The following PTPN14 variants were observed in gnomAD, a reference collection of about 807,000 sequenced individuals.
PTPN14 encodes the protein tyrosine-protein phosphatase non-receptor type 14.
PTPN14 carries 53 observed loss-of-function variants against 126.8 expected under a neutral mutation model. The observed-to-expected ratio is 0.42, with a 90% CI of 0.34 to 0.53. PTPN14 has a LOEUF of 0.53. Among genes scored for constraint, PTPN14 ranks in the 20% least tolerant of loss-of-function variants. The pLI is 0.08. For synonymous variants in PTPN14, 630 were observed against 599.3 expected, an observed-to-expected ratio of 1.05 and a Z score of -0.75; for missense variants, 1,257 against 1,552.9, an observed-to-expected ratio of 0.81 and a Z score of 3.20.
Position 214,376,363 on chromosome 1 carries a change from C to A in PTPN14, c.2763G>T (p.Ala921=), listed in dbSNP as rs146527644. 3 of 1,614,146 alleles carry A rather than the reference C, an allele frequency of 1.9e-6. No homozygotes were observed. The highest frequency in any genetic ancestry group is 1.3e-5 in the African/African-American group (1 of 75,062). ...TEYEQIPKKK[A]NGIFSTAALP... The stretch of plus-strand genomic sequence containing the variant: ...GAGCTGCTGTGCTGAAAATGCCATT[C>A]GCCTTTTTCTTTGGAATTTGCTCAT... The change falls in exon 15 of 19, where the codon GCG becomes GCT. Residue 921 remains alanine (A), a synonymous_variant. Coordinates refer to ENST00000366956, the MANE Select transcript of PTPN14 (RefSeq NM_005401.5).
At chr1:214,427,439 G>C (rs1659694170) in intron 3 of PTPN14, among the ~76,000 whole-genome samples, 1 of 152,004 alleles carries the variant, frequency 6.6e-6, no homozygotes, top group African/African-American at 2.4e-5. Flanking sequence ...TCCTTTTATA[G>C]TACTTTCATT....
intron 3 of PTPN14, among the ~76,000 whole-genome samples, chr1:214,440,918 C>G (rs565945302): frequency 6.6e-6 from 1 of 152,290 alleles, no homozygotes; most frequent in African/African-American, 2.4e-5. Context: ...TGAAACAAAA[C>G]CCACCTGAAG....
chr1:214,379,326 C>G (rs747817514), intron 13 of PTPN14, among the ~76,000 whole-genome samples: 2 of 152,128 alleles, frequency 1.3e-5, no homozygotes, highest in Non-Finnish European at 2.9e-5. Context: ...GAGGTCTTGA[C>G]GGAGCCATCC....
At chr1:214,392,757 G>A (rs1258567231) in intron 10 of PTPN14, among the ~76,000 whole-genome samples, 7 of 152,150 alleles carry the variant, frequency 4.6e-5, no homozygotes, top group Middle Eastern at 3.2e-3. Flanking sequence ...TTCAGACCCC[G>A]ACAGTGACCA....
At chr1:214,374,717 C>T (rs953754695) in intron 15 of PTPN14, among the ~76,000 whole-genome samples, 4 of 152,142 alleles carry the variant, frequency 2.6e-5, no homozygotes, top group Admixed American at 2.0e-4. Flanking sequence ...ATGTCTAACC[C>T]GGATCCACAG....
chr1:214,441,263 T>C (rs1660031504), intron 3 of PTPN14, among the ~76,000 whole-genome samples: 1 of 152,244 alleles, frequency 6.6e-6, no homozygotes, highest in Non-Finnish European at 1.5e-5. Flanking sequence ...TGCACATAAA[T>C]GTTAGCTGCT....
intron 3 of PTPN14, among the ~76,000 whole-genome samples, chr1:214,430,182 G>A (rs775098359): frequency 7.2e-5 from 11 of 152,070 alleles, no homozygotes; most frequent in Non-Finnish European, 1.6e-4. Flanking sequence ...TCCTTGGCTC[G>A]GAATGTTCTC....
chr1:214,391,350 T>C (rs932988576), intron 10 of PTPN14, among the ~76,000 whole-genome samples: 1 of 152,148 alleles, frequency 6.6e-6, no homozygotes, highest in Non-Finnish European at 1.5e-5. Flanking sequence ...ATCACCATTA[T>C]TACATGGATT....
intron 1 of PTPN14, among the ~76,000 whole-genome samples, chr1:214,549,769 T>C (rs566272795): frequency 6.8e-6 from 1 of 146,752 alleles, no homozygotes; most frequent in South Asian, 2.4e-4. Context: ...CAGCTGCTTG[T>C]GGTAAAACAG....
chr1:214,534,790 C>T (rs57531268), intron 1 of PTPN14, among the ~76,000 whole-genome samples: 2,728 of 152,068 alleles, frequency 0.018, 68 homozygotes, highest in African/African-American at 0.06. Flanking sequence ...TATAAGATAT[C>T]CCATCCAGTT....
At chr1:214,401,266 G>A (rs1353316294) in intron 7 of PTPN14, among the ~76,000 whole-genome samples, 1 of 152,190 alleles carries the variant, frequency 6.6e-6, no homozygotes, top group Non-Finnish European at 1.5e-5. Context: ...TTGTATACAA[G>A]AAACGTTTCA....
At chr1:214,522,713 A>G (rs556131516) in intron 1 of PTPN14, among the ~76,000 whole-genome samples, 58 of 152,230 alleles carry the variant, frequency 3.8e-4, no homozygotes, top group Non-Finnish European at 7.2e-4. Context: ...AAGGACAAGA[A>G]AAGTGAAAAT....
chr1:214,459,794 G>T (rs12757384), intron 2 of PTPN14, among the ~76,000 whole-genome samples: 126,193 of 152,240 alleles, frequency 0.83, 52,407 homozygotes, highest in African/African-American at 0.89. Context: ...ACTACTGAGT[G>T]CTACTGAGTT....
At chr1:214,519,135 G>A (rs953510882) in intron 1 of PTPN14, among the ~76,000 whole-genome samples, 3 of 152,120 alleles carry the variant, frequency 2.0e-5, no homozygotes, top group South Asian at 2.1e-4. Context: ...CAGGCATGGT[G>A]GTGGGCACCT....
chr1:214,373,919 T>A (rs1282978039), intron 15 of PTPN14, among the ~76,000 whole-genome samples: 2 of 152,182 alleles, frequency 1.3e-5, no homozygotes, highest in Admixed American at 1.3e-4. Flanking sequence ...AGTCATGACA[T>A]GACTTTGGAT....
At chr1:214,381,221 A>G (rs780073827) in intron 13 of PTPN14, among the ~76,000 whole-genome samples, 2 of 152,236 alleles carry the variant, frequency 1.3e-5, no homozygotes, top group Admixed American at 6.5e-5. Flanking sequence ...GAGGATGAAT[A>G]CAACCAAAAT....
chr1:214,507,239 T>C (rs1045485375), intron 1 of PTPN14, among the ~76,000 whole-genome samples: 1 of 152,176 alleles, frequency 6.6e-6, no homozygotes, highest in Non-Finnish European at 1.5e-5. Context: ...AAAGATTAGG[T>C]GTATCTCTGG....
intron 1 of PTPN14, among the ~76,000 whole-genome samples, chr1:214,481,165 G>A (rs1456692164): frequency 6.6e-6 from 1 of 152,128 alleles, no homozygotes; most frequent in Admixed American, 6.5e-5. Flanking sequence ...TCACATAAAT[G>A]CAACATTTGA....
rs774268161 is a variant in PTPN14 at position 214,532,917 on chromosome 1, G to A, written c.-155+18266C>T. The stretch of plus-strand genomic sequence containing the variant: ...CCCCCAAATCTCAGGACCTCGCCAC[G>A]ATCATGGCAGACATCTGGGCCCAAT... On this transcript the variant is annotated intron_variant, in intron 1 of 18. Transcript: ENST00000366956. The A allele has an allele frequency of 2.3e-4, 199 of 875,032 alleles. 2 individuals carry two copies. Among genetic ancestry groups the A allele is most frequent in the Non-Finnish European group, 3.1e-4 (162 of 521,358 alleles). The allele number at this position is 875,032 out of a possible 1,614,324, so 54.2% of individuals were successfully genotyped here. A position where few individuals can be genotyped will look rare whatever the true frequency, so the allele number is the denominator to read the frequency against.
Sources: gnomAD v4.1 joint callset for allele counts (sites outside exome capture counted in the v4.1 genomes callset) on GRCh38, gnomAD v4.1.1 for gene constraint, MANE v1.5 for transcripts, NCBI Gene and HGNC (gene_info 2026-07-23, HGNC 2026-07-21) for gene names.